The following ALK variants were observed in gnomAD, a reference collection of about 807,000 sequenced individuals.
ALK encodes ALK tyrosine kinase receptor.
Under a neutral mutation model 163.1 loss-of-function variants are expected in ALK, and 74 were observed. The ratio of observed to expected loss-of-function variants is 0.45; its 90% CI spans 0.38 to 0.55. The LOEUF is 0.55. Ranked by LOEUF, ALK falls within the 20% of genes least tolerant of loss-of-function variation. The pLI, the probability that ALK is intolerant of heterozygous loss-of-function variation, is 0.00. For synonymous variants in ALK, 960 were observed against 843.2 expected (o/e 1.14, Z -2.40); for missense variants, 2,063 against 2,105.3 (o/e 0.98, Z 0.39).
At chr2:29,705,289 A>ATATATC (rs1678875518) in intron 2 of ALK, among the ~76,000 whole-genome samples, 1 of 118,010 alleles carries the variant, frequency 8.5e-6, no homozygotes, top group African/African-American at 3.1e-5. Context: ...ATAAATATAT[A>ATATATC]TCTGCTGTGA....
intron 5 of ALK, among the ~76,000 whole-genome samples, chr2:29,351,789 G>C (rs1488630968): frequency 1.3e-5 from 2 of 148,810 alleles, no homozygotes; most frequent in African/African-American, 2.5e-5. Context: ...GGCAGACCCA[G>C]ACTCCTAAGC....
chr2:29,647,402 T>C (rs534980796), intron 3 of ALK, among the ~76,000 whole-genome samples: 1 of 152,280 alleles, frequency 6.6e-6, no homozygotes, highest in South Asian at 2.1e-4. Context: ...GTTAGGTCAC[T>C]TGCATCAGCT....
intron 1 of ALK, among the ~76,000 whole-genome samples, chr2:29,760,981 T>C (rs536144914): frequency 6.6e-6 from 1 of 152,312 alleles, no homozygotes; most frequent in African/African-American, 2.4e-5. Context: ...CCTGGGGCTG[T>C]AGACTTCTCA....
At chr2:29,292,823 G>T (rs1666070485) in intron 9 of ALK, among the ~76,000 whole-genome samples, 2 of 152,156 alleles carry the variant, frequency 1.3e-5, no homozygotes, top group Admixed American at 6.5e-5. Context: ...GTGGACAGAA[G>T]AAATATCATT....
chr2:29,759,848 G>C (rs949439689), intron 1 of ALK, among the ~76,000 whole-genome samples: 7 of 152,168 alleles, frequency 4.6e-5, no homozygotes, highest in African/African-American at 9.7e-5. Context: ...GTGCATACAT[G>C]ATGTCCACTG....
intron 12 of ALK, 55 bp downstream of exon 12, chr2:29,251,050 C>A (rs1245447987): frequency 9.3e-5 from 147 of 1,587,098 alleles, no homozygotes; most frequent in Non-Finnish European, 1.2e-4. Flanking sequence ...GGCAAGACTC[C>A]AGGCTTCTTC....
intron 1 of ALK, among the ~76,000 whole-genome samples, chr2:29,742,621 A>C (rs1680092558): frequency 6.6e-6 from 1 of 152,218 alleles, no homozygotes. Context: ...CCAGTGATCT[A>C]TCCAACAGAA....
chr2:29,864,608 A>T (rs1470312348), intron 1 of ALK, among the ~76,000 whole-genome samples: 1 of 152,254 alleles, frequency 6.6e-6, no homozygotes, highest in Non-Finnish European at 1.5e-5. Flanking sequence ...ACATTTGTCA[A>T]ATAAACAAAT....
intron 5 of ALK, among the ~76,000 whole-genome samples, chr2:29,368,574 T>G (rs1050245415): frequency 6.6e-6 from 1 of 152,280 alleles, no homozygotes; most frequent in East Asian, 1.9e-4. Context: ...GGTGGGGAAA[T>G]GGACAGACCA....
chr2:29,337,784 C>T (rs548715782), intron 5 of ALK, among the ~76,000 whole-genome samples: 19 of 152,294 alleles, frequency 1.2e-4, no homozygotes, highest in South Asian at 1.0e-3. Context: ...GAGCGCCTTT[C>T]GCCCCTAGTT....
chr2:29,699,432 A>T (rs745947041), intron 2 of ALK, among the ~76,000 whole-genome samples: 2 of 152,216 alleles, frequency 1.3e-5, no homozygotes, highest in African/African-American at 2.4e-5. Context: ...CCAGAGAGTG[A>T]CCTAGAACTG....
intron 3 of ALK, among the ~76,000 whole-genome samples, chr2:29,692,837 T>A (rs1678441304): frequency 6.6e-6 from 1 of 152,212 alleles, no homozygotes; most frequent in Non-Finnish European, 1.5e-5. Context: ...AACCTGGAAA[T>A]AATTCAAATG....
intron 1 of ALK, among the ~76,000 whole-genome samples, chr2:29,747,248 C>T (rs1680228512): frequency 6.6e-6 from 1 of 152,186 alleles, no homozygotes; most frequent in African/African-American, 2.4e-5. Flanking sequence ...TTATTCACAA[C>T]AATATGTTCC....
At chr2:29,511,951 T>G (rs1181944781) in intron 4 of ALK, among the ~76,000 whole-genome samples, 2 of 152,196 alleles carry the variant, frequency 1.3e-5, no homozygotes, top group African/African-American at 2.4e-5. Flanking sequence ...ATTGGGTGGG[T>G]ACAAGTTCTT....
intron 1 of ALK, among the ~76,000 whole-genome samples, chr2:29,886,674 C>G (rs927818848): frequency 1.3e-5 from 2 of 152,210 alleles, no homozygotes; most frequent in Non-Finnish European, 2.9e-5. Context: ...TCAAGTAAGA[C>G]AGACCTATAT....
At chr2:29,570,353 C>T (rs867153050) in intron 3 of ALK, among the ~76,000 whole-genome samples, 1 of 152,168 alleles carries the variant, frequency 6.6e-6, no homozygotes, top group Non-Finnish European at 1.5e-5. Flanking sequence ...GTCATCTGTG[C>T]CTATGAAGTT....
chr2:29,315,069 G>T (rs1237746690), intron 8 of ALK, among the ~76,000 whole-genome samples: 2 of 152,178 alleles, frequency 1.3e-5, no homozygotes, highest in Non-Finnish European at 2.9e-5. Context: ...ATTGTAAGTG[G>T]CTCCCCAGTT....
chr2:29,418,144 C>G (rs1386376319), intron 4 of ALK, among the ~76,000 whole-genome samples: 3 of 152,094 alleles, frequency 2.0e-5, no homozygotes, highest in Non-Finnish European at 4.4e-5. Context: ...TGAGTAAAAC[C>G]AACAAGAGCT....
intron 1 of ALK, among the ~76,000 whole-genome samples, chr2:29,830,991 GA>G (rs1665372565): frequency 1.9e-5 from 1 of 53,788 alleles, no homozygotes; most frequent in South Asian, 9.8e-4. Context: ...AGAAGAAGAA[GA>G]AGAAGAAGAA....
Sources: allele counts gnomAD v4.1 joint callset (sites outside exome capture counted in the v4.1 genomes callset), GRCh38; gene constraint gnomAD v4.1.1; transcripts MANE v1.5; gene names NCBI Gene and HGNC (gene_info 2026-07-23, HGNC 2026-07-21).